The following SENP6 variants were observed in gnomAD, a reference collection of about 807,000 sequenced individuals.
The protein encoded by SENP6 is SUMO specific peptidase 6.
SENP6 carries 41 observed loss-of-function variants against 134.5 expected under a neutral mutation model. The observed-to-expected ratio is 0.30, with a 90% CI of 0.24 to 0.40. The LOEUF is 0.40. Among genes scored for constraint, SENP6 ranks in the 10% least tolerant of loss-of-function variants. The pLI is 1.00. For synonymous variants in SENP6, 395 were observed against 429.8 expected (o/e 0.92, Z 1.00); for missense variants, 1,248 against 1,312.5 (o/e 0.95, Z 0.76).
At chr6:75,692,440 C>G (rs1774342673) in intron 16 of SENP6, among the ~76,000 whole-genome samples, 1 of 150,880 alleles carries the variant, frequency 6.6e-6, no homozygotes, top group South Asian at 2.1e-4. Flanking sequence ...GGCAATATAG[C>G]AAGACCCTTG....
At chr6:75,615,555 T>G (rs545326813) in intron 1 of SENP6, among the ~76,000 whole-genome samples, 1 of 152,356 alleles carries the variant, frequency 6.6e-6, no homozygotes, top group Non-Finnish European at 1.5e-5. Flanking sequence ...CTTTTGCTTT[T>G]TAGAATAAAC....
At chr6:75,690,317 C>CA (rs768138663) in intron 16 of SENP6, among the ~76,000 whole-genome samples, 3 of 152,088 alleles carry the variant, frequency 2.0e-5, no homozygotes, top group African/African-American at 4.8e-5. Context: ...ACGGATAAAC[C>CA]AAATGTGGTG....
chr6:75,711,390 G>C lies in SENP6; in HGVS notation c.2883G>C (p.Trp961Cys), dbSNP rs747445878. 6.2e-7 allele frequency: 1 copy of C among 1,612,302 alleles called. No individual in the cohort carries two copies. Reference protein sequence around the residue: ...DDNCSSEIGQWHLKPTICKQP... With the variant: ...DDNCSSEIGQCHLKPTICKQP... ...ACTGCAGTTCAGAAATAGGACAGTG[G>C]CATTTAAAGCCTACTATCTGTAAAC... The change falls in exon 21 of 24, where the codon TGG (tryptophan) becomes TGC (cysteine). Residue 961 changes from tryptophan (W) to cysteine (C), a missense_variant. Coordinates refer to ENST00000447266, the MANE Select transcript of SENP6 (RefSeq NM_015571.4).
rs777444910 is a variant in SENP6 at position 75,659,360 on chromosome 6, A to G, written c.649A>G (p.Thr217Ala). ...QKRHCSTYQPTPPLSPASKKC... is the reference protein window; with the variant it reads ...QKRHCSTYQPAPPLSPASKKC... ...ACGACACTGTAGTACCTATCAGCCT[A>G]CTCCTCCTCTATCTCCTGCTTCAAA... The change falls in exon 8 of 24, where the codon ACT becomes GCT. Residue 217 changes from threonine (T) to alanine (A), a missense_variant. Transcript: ENST00000447266. 1 of 1,611,236 alleles carries G rather than the reference A, an allele frequency of 6.2e-7. No individual in the cohort carries two copies. Among genetic ancestry groups the G allele is most frequent in the Non-Finnish European group, 8.5e-7 (1 of 1,178,060 alleles).
intron 9 of SENP6, among the ~76,000 whole-genome samples, chr6:75,665,102 C>T (rs1009355548): frequency 6.6e-6 from 1 of 151,932 alleles, no homozygotes; most frequent in Non-Finnish European, 1.5e-5. Context: ...CTGGTTAACA[C>T]GGTGAAACCC....
intron 5 of SENP6, among the ~76,000 whole-genome samples, chr6:75,639,328 A>G (rs1353729037): frequency 6.6e-6 from 1 of 152,182 alleles, no homozygotes; most frequent in Non-Finnish European, 1.5e-5. Flanking sequence ...AGTAGCAAAG[A>G]TAAAATTTCA....
At chr6:75,694,486 T>G (rs79138400) in intron 16 of SENP6, among the ~76,000 whole-genome samples, 2,426 of 152,354 alleles carry the variant, frequency 0.016, 63 homozygotes, top group African/African-American at 0.056. Flanking sequence ...ATTTGAAGTA[T>G]ACAATTCAGT....
intron 18 of SENP6, among the ~76,000 whole-genome samples, chr6:75,702,374 C>T (rs1244220485): frequency 6.6e-6 from 1 of 151,856 alleles, no homozygotes; most frequent in African/African-American, 2.4e-5. Flanking sequence ...CACACCACTG[C>T]GCCTGGCTAA....
At chr6:75,646,980 A>G (rs868561559) in intron 6 of SENP6, 1 of 152,160 alleles carries the variant, frequency 6.6e-6, no homozygotes, top group African/African-American at 2.4e-5. Context: ...TTTCTTTGGA[A>G]CTTTTGTTTG....
At chr6:75,616,106 C>T (rs1401628754) in intron 1 of SENP6, among the ~76,000 whole-genome samples, 1 of 152,018 alleles carries the variant, frequency 6.6e-6, no homozygotes, top group Non-Finnish European at 1.5e-5. Context: ...CCATTATTGT[C>T]ATTTTAGTGG....
chr6:75,672,429 T>C (rs1468669281), intron 11 of SENP6, among the ~76,000 whole-genome samples: 1 of 152,204 alleles, frequency 6.6e-6, no homozygotes. Context: ...TAAAAGGCAG[T>C]ATATGTAACA....
At chr6:75,628,943 T>A (rs2149834692) in intron 3 of SENP6, among the ~76,000 whole-genome samples, 1 of 152,236 alleles carries the variant, frequency 6.6e-6, no homozygotes, top group East Asian at 1.9e-4. Flanking sequence ...AGGCTGGTCT[T>A]GGAACTCCTG....
intron 16 of SENP6, among the ~76,000 whole-genome samples, chr6:75,693,937 T>C (rs1328321139): frequency 6.6e-6 from 1 of 152,034 alleles, no homozygotes; most frequent in Non-Finnish European, 1.5e-5. Flanking sequence ...GCTATAGATG[T>C]ATAAAAAAAT....
chr6:75,715,491 A>G lies in SENP6; in HGVS notation c.3236A>G (p.Gln1079Arg). Reference protein sequence around the residue: ...EEIRNIILKLQEDQSKEKRKH... With the variant: ...EEIRNIILKLREDQSKEKRKH... ...ATCCGAAACATAATTCTGAAGCTAC[A>G]GGAAGATCAGAGCAAAGAGAAAAGA... The change falls in exon 24 of 24, where the codon CAG (glutamine) becomes CGG (arginine). Residue 1079 changes from glutamine (Q) to arginine (R), a missense_variant. Gln to Arg is a conservative substitution (Grantham distance 43). This residue lies in a region of SENP6 where 386 missense variants were observed against 395.0 expected (regional missense o/e 0.98). Transcript: ENST00000447266. 2 of 1,613,536 alleles carry G rather than the reference A, an allele frequency of 1.2e-6. No individual in the cohort carries two copies. Among genetic ancestry groups the G allele is most frequent in the Non-Finnish European group, 1.7e-6 (2 of 1,179,550 alleles).
rs10564996 is a variant in SENP6 at position 75,707,355 on chromosome 6, C to CTTTTTT, written c.2717-2151_2717-2146dup. 1.5e-3 allele frequency among the ~76,000 whole-genome samples: 110 copies of CTTTTTT among 74,702 alleles called. 2 individuals carry two copies. Among genetic ancestry groups the CTTTTTT allele is most frequent in the African/African-American group, 2.6e-3 (50 of 19,180 alleles). 49.0% of individuals were successfully genotyped at this position (74,702 alleles called of 152,430 possible). On this transcript the variant is annotated intron_variant, in intron 19 of 23. Coordinates refer to ENST00000447266, the MANE Select transcript of SENP6 (RefSeq NM_015571.4). ...CATTATTTTTTTCTTTCTTCTTCTT[C>CTTTTTT]TTTTTTTTTTTTTTTTTTTTTTTTT...
In SENP6 at chr6:75,716,807, A is replaced by G. The variant is rs1423241111; in HGVS notation, c.*1213A>G. 2 of 152,006 alleles carry G rather than the reference A, an allele frequency of 1.3e-5. No homozygotes were observed. Among genetic ancestry groups the G allele is most frequent in the Admixed American group, 1.3e-4 (2 of 15,256 alleles). 9.4% of individuals were successfully genotyped at this position (152,006 alleles called of 1,614,324 possible). On this transcript the variant is annotated 3_prime_UTR_variant, in exon 24 of 24. Coordinates refer to ENST00000447266, the MANE Select transcript of SENP6 (RefSeq NM_015571.4). ...AAATATTGAATTTTTAAATACACAT[A>G]TATCAAAAATAGTTGAGAATAAAAA...
At chr6:75,643,525 C>G (rs898955320) in intron 6 of SENP6, among the ~76,000 whole-genome samples, 2 of 152,118 alleles carry the variant, frequency 1.3e-5, no homozygotes, top group African/African-American at 4.8e-5. Context: ...AGTTAAAATT[C>G]AAGAAATTCA....
chr6:75,669,779 T>G (rs780312607), intron 10 of SENP6, among the ~76,000 whole-genome samples: 17 of 152,222 alleles, frequency 1.1e-4, no homozygotes, highest in Non-Finnish European at 1.9e-4. Flanking sequence ...TTAATTCAAG[T>G]ATCACTGCCA....
At chr6:75,602,643 C>G in intron 1 of SENP6, 67 bp downstream of exon 1, 11 of 1,480,980 alleles carry the variant, frequency 7.4e-6, no homozygotes, top group Non-Finnish European at 1.0e-5. Context: ...CCCCAGAACC[C>G]CGGATATTCA....
Sources: gnomAD v4.1 joint callset for allele counts (sites outside exome capture counted in the v4.1 genomes callset) on GRCh38, gnomAD v4.1.1 for gene constraint, gnomAD v4.1.1 regional missense constraint, MANE v1.5 for transcripts, NCBI Gene and HGNC (gene_info 2026-07-23, HGNC 2026-07-21) for gene names.